The following RFX3 variants were observed in gnomAD, a reference collection of about 807,000 sequenced individuals.
The protein encoded by RFX3 is transcription factor RFX3.
Under a neutral mutation model 98.6 loss-of-function variants are expected in RFX3, and 14 were observed. The ratio of observed to expected loss-of-function variants is 0.14; its 90% CI spans 0.09 to 0.22. The LOEUF (loss-of-function observed/expected upper bound fraction) is 0.22. Among genes scored for constraint, RFX3 ranks in the 10% least tolerant of loss-of-function variants. The pLI, the probability that RFX3 is intolerant of heterozygous loss-of-function variation, is 1.00. For synonymous variants in RFX3, 383 were observed against 328.4 expected, an observed-to-expected ratio of 1.17 and a Z score of -1.80; for missense variants, 639 against 926.9, an observed-to-expected ratio of 0.69 and a Z score of 4.03.
At chr9:3,371,408 G>A (rs550606455) in intron 2 of RFX3, among the ~76,000 whole-genome samples, 13 of 152,162 alleles carry the variant, frequency 8.5e-5, no homozygotes, top group South Asian at 6.2e-4. Context: ...TTCCGCTTAC[G>A]CAGCTCTAAA....
chr9:3,286,209 A>G (rs1048432676), intron 7 of RFX3, among the ~76,000 whole-genome samples: 11 of 151,884 alleles, frequency 7.2e-5, no homozygotes, highest in Non-Finnish European at 1.5e-5. Context: ...ACCAAAAAGT[A>G]AAGGCTACAA....
chr9:3,259,514 A>AG (rs1332035962), intron 13 of RFX3, among the ~76,000 whole-genome samples: 2 of 151,584 alleles, frequency 1.3e-5, no homozygotes, highest in African/African-American at 4.8e-5. Context: ...TTAGAAAAAA[A>AG]AAATATCCAA....
intron 1 of RFX3, among the ~76,000 whole-genome samples, chr9:3,499,926 C>T (rs1382036732): frequency 3.3e-5 from 5 of 152,084 alleles, no homozygotes; most frequent in East Asian, 1.9e-4. Flanking sequence ...CTTAACTATT[C>T]TGAGCTGGGA....
intron 2 of RFX3, among the ~76,000 whole-genome samples, chr9:3,380,036 C>T (rs1310619643): frequency 6.6e-6 from 1 of 152,088 alleles, no homozygotes; most frequent in Non-Finnish European, 1.5e-5. Flanking sequence ...AAGCGATTCT[C>T]CTGCCTCCGC....
chr9:3,455,326 AC>A (rs1847051642), intron 1 of RFX3, among the ~76,000 whole-genome samples: 1 of 151,814 alleles, frequency 6.6e-6, no homozygotes, highest in Admixed American at 6.6e-5. Flanking sequence ...ACCCCTTTTC[AC>A]CTAGTCAATG....
At chr9:3,232,318 C>A (rs576267884) in intron 15 of RFX3, among the ~76,000 whole-genome samples, 1 of 152,136 alleles carries the variant, frequency 6.6e-6, no homozygotes, top group Non-Finnish European at 1.5e-5. Context: ...AAACAGACTG[C>A]GAGTGTCACA....
At chr9:3,381,747 G>A (rs1238419595) in intron 2 of RFX3, among the ~76,000 whole-genome samples, 1 of 151,906 alleles carries the variant, frequency 6.6e-6, no homozygotes, top group African/African-American at 2.4e-5. Flanking sequence ...AGGATCCAAA[G>A]CTATCAATAC....
In RFX3 at chr9:3,476,003, G is replaced by A. The variant is rs530988342; in HGVS notation, c.-9+49744C>T. ...AGGAGCTCTCTGGTGGCCCTGTCCA[G>A]GCATGACAGACGGCTCACACTCTTG... On this transcript the variant is annotated intron_variant, in intron 1 of 16. Transcript: ENST00000617270. Among the ~76,000 whole-genome samples the A allele has an allele frequency of 5.3e-4, 81 of 152,314 alleles. 1 individual carries two copies. In the South Asian group the frequency reaches 6.0e-3, roughly 11 times the overall value.
At chr9:3,377,231 T>C (rs543847826) in intron 2 of RFX3, among the ~76,000 whole-genome samples, 350 of 152,294 alleles carry the variant, frequency 2.3e-3, no homozygotes, top group African/African-American at 8.2e-3. Context: ...TAAGAAAATG[T>C]GGCACATATA....
chr9:3,229,683 C>T (rs974963070), intron 15 of RFX3, among the ~76,000 whole-genome samples: 3 of 152,106 alleles, frequency 2.0e-5, no homozygotes, highest in African/African-American at 7.2e-5. Context: ...AGAGAAACTG[C>T]AAAGCATCTA....
intron 1 of RFX3, among the ~76,000 whole-genome samples, chr9:3,424,348 CTTTTTTTT>C (rs748693786): frequency 3.9e-5 from 3 of 76,008 alleles, no homozygotes; most frequent in Non-Finnish European, 7.0e-5. Flanking sequence ...ACATAATTGA[CTTTTTTTT>C]TTTTTTTTTT....
At chr9:3,317,182 T>C (rs1830716002) in intron 4 of RFX3, among the ~76,000 whole-genome samples, 1 of 152,158 alleles carries the variant, frequency 6.6e-6, no homozygotes, top group Non-Finnish European at 1.5e-5. Flanking sequence ...TATAGACCAA[T>C]GGAACAGAAT....
At chr9:3,505,227 TATGA>T (rs1244004105) in intron 1 of RFX3, among the ~76,000 whole-genome samples, 4 of 71,804 alleles carry the variant, frequency 5.6e-5, no homozygotes, top group African/African-American at 1.1e-4. Flanking sequence ...TATATTTATA[TATGA>T]ATATATATTT....
chr9:3,246,855 T>C (rs1820743039), intron 15 of RFX3, among the ~76,000 whole-genome samples: 1 of 152,172 alleles, frequency 6.6e-6, no homozygotes, highest in Non-Finnish European at 1.5e-5. Flanking sequence ...TACAAAGACA[T>C]TTAGATGGAT....
intron 1 of RFX3, chr9:3,488,726 T>C (rs192433363): frequency 1.0e-6 from 1 of 956,312 alleles, no homozygotes; most frequent in Non-Finnish European, 1.2e-6. Flanking sequence ...ATCCATAAAA[T>C]TGTAGAAAAT....
In RFX3 at chr9:3,223,707, T is replaced by C. The variant is rs574108209; in HGVS notation, c.*1335A>G. On this transcript the variant is annotated 3_prime_UTR_variant, in exon 17 of 17. Coordinates refer to ENST00000617270, the MANE Select transcript of RFX3 (RefSeq NM_001282116.2). ...CTTTGAAGAACATGTCACCTGTCCT[T>C]ACTTCAGGAATCTGAAAATGACAGG... 6.6e-6 allele frequency: 1 copy of C among 152,254 alleles called. No homozygotes were observed. The highest frequency in any genetic ancestry group is 6.5e-5 in the Admixed American group (1 of 15,284). 9.4% of individuals were successfully genotyped at this position (152,254 alleles called of 1,614,324 possible).
intron 1 of RFX3, among the ~76,000 whole-genome samples, chr9:3,425,465 T>A (rs766701332): frequency 6.6e-6 from 1 of 152,228 alleles, no homozygotes; most frequent in East Asian, 1.9e-4. Context: ...CAAAACCTTA[T>A]GATTCAACAT....
chr9:3,396,670 G>C (rs917880062), intron 1 of RFX3, among the ~76,000 whole-genome samples: 1 of 152,142 alleles, frequency 6.6e-6, no homozygotes, highest in Non-Finnish European at 1.5e-5. Flanking sequence ...GTGTAAAAGT[G>C]TTCCTATTTC....
intron 3 of RFX3, among the ~76,000 whole-genome samples, chr9:3,337,383 G>T (rs1043131623): frequency 6.6e-6 from 1 of 152,180 alleles, no homozygotes; most frequent in Non-Finnish European, 1.5e-5. Context: ...AGCACAAGAG[G>T]TGCATTTGGA....
Sources: gnomAD v4.1 joint callset for allele counts (sites outside exome capture counted in the v4.1 genomes callset) on GRCh38, gnomAD v4.1.1 for gene constraint, MANE v1.5 for transcripts, NCBI Gene and HGNC (gene_info 2026-07-23, HGNC 2026-07-21) for gene names.